The following ADAMTSL1 variants were observed in gnomAD, a reference collection of about 807,000 sequenced individuals.
ADAMTSL1 encodes ADAMTS-like protein 1.
A neutral mutation model predicts 201.8 loss-of-function variants in ADAMTSL1; 126 were observed. That is an observed-to-expected ratio of 0.62 (90% CI 0.54 to 0.72). ADAMTSL1 has a LOEUF of 0.72. Among genes scored for constraint, ADAMTSL1 ranks in the 30% least tolerant of loss-of-function variants. The pLI, the probability that ADAMTSL1 is intolerant of heterozygous loss-of-function variation, is 0.00. For missense variants in ADAMTSL1, 2,679 were observed against 2,277.8 expected, an observed-to-expected ratio of 1.18 and a Z score of -3.59; for synonymous variants, 1,121 against 903.4, an observed-to-expected ratio of 1.24 and a Z score of -4.32.
intron 2 of ADAMTSL1, among the ~76,000 whole-genome samples, chr9:18,164,989 G>A (rs1433122950): frequency 6.6e-6 from 1 of 151,824 alleles, no homozygotes; most frequent in Non-Finnish European, 1.5e-5. Context: ...GAGCAAGAAT[G>A]GTGGTGGAGG....
intron 2 of ADAMTSL1, among the ~76,000 whole-genome samples, chr9:18,330,891 C>A (rs1835003916): frequency 6.6e-6 from 1 of 152,212 alleles, no homozygotes; most frequent in Admixed American, 6.5e-5. Flanking sequence ...ATGCCAGGGA[C>A]TGTCCCAGAT....
At chr9:17,929,398 AC>A (rs201529299) in intron 1 of ADAMTSL1, among the ~76,000 whole-genome samples, 2,686 of 151,642 alleles carry the variant, frequency 0.018, 44 homozygotes, top group East Asian at 0.049. Context: ...CCAATTTTTC[AC>A]CCCTTTGGGG....
At chr9:18,282,656 G>C (rs146960508) in intron 2 of ADAMTSL1, among the ~76,000 whole-genome samples, 1,817 of 152,292 alleles carry the variant, frequency 0.012, 15 homozygotes, top group Non-Finnish European at 0.018. Flanking sequence ...CTAGCACTTT[G>C]GGAGACAGAT....
chr9:18,309,842 A>T (rs1238474935), intron 2 of ADAMTSL1, among the ~76,000 whole-genome samples: 1 of 152,124 alleles, frequency 6.6e-6, no homozygotes, highest in Admixed American at 6.5e-5. Context: ...CACTACTTCA[A>T]ATTTCATATG....
At chr9:18,684,070 T>C (rs1464328526) in intron 12 of ADAMTSL1, among the ~76,000 whole-genome samples, 1 of 152,204 alleles carries the variant, frequency 6.6e-6, no homozygotes, top group Non-Finnish European at 1.5e-5. Context: ...ACAATTTTTT[T>C]CCCAGGAAGT....
At chr9:18,063,080 G>C (rs1265690602) in intron 1 of ADAMTSL1, among the ~76,000 whole-genome samples, 1 of 152,098 alleles carries the variant, frequency 6.6e-6, no homozygotes, top group African/African-American at 2.4e-5. Context: ...TGTAATCCTG[G>C]TGAATTGGGA....
At chr9:18,258,928 C>T (rs1355250586) in intron 2 of ADAMTSL1, among the ~76,000 whole-genome samples, 2 of 152,108 alleles carry the variant, frequency 1.3e-5, no homozygotes, top group African/African-American at 4.8e-5. Context: ...TTCATCTTAC[C>T]AAGTCCAGTG....
chr9:18,170,528 C>G (rs1433864608), intron 2 of ADAMTSL1, among the ~76,000 whole-genome samples: 1 of 151,950 alleles, frequency 6.6e-6, no homozygotes, highest in East Asian at 1.9e-4. Context: ...TAACGAATAA[C>G]TCAAAGATAT....
At chr9:18,513,939 T>C (rs185148963) in intron 2 of ADAMTSL1, among the ~76,000 whole-genome samples, 2 of 152,334 alleles carry the variant, frequency 1.3e-5, no homozygotes, top group East Asian at 3.9e-4. Context: ...TGCCTTCAGC[T>C]TTGTTCTCTC....
intron 2 of ADAMTSL1, among the ~76,000 whole-genome samples, chr9:18,361,750 T>A (rs1411135185): frequency 2.0e-5 from 3 of 152,186 alleles, no homozygotes; most frequent in Non-Finnish European, 4.4e-5. Flanking sequence ...AATAAAAATC[T>A]CCGGAGACTT....
At chr9:18,158,822 T>A (rs1827265943) in intron 1 of ADAMTSL1, among the ~76,000 whole-genome samples, 1 of 151,938 alleles carries the variant, frequency 6.6e-6, no homozygotes, top group African/African-American at 2.4e-5. Flanking sequence ...TTTCCTTCCT[T>A]CTGTTGATCT....
chr9:18,776,880 G>C lies in ADAMTSL1; in HGVS notation c.2651G>C (p.Gly884Ala), dbSNP rs745904930. 6.2e-7 allele frequency: 1 copy of C among 1,611,558 alleles called. No individual in the cohort carries two copies. ...RRQRKLHFVV[G>A]GFAYLLPKTA... ...CAGAGGAAGCTGCACTTCGTGGTGG[G>C]GGGCTTCGCCTACCTGCTCCCCAAG... Residue 884 changes from glycine to alanine, a missense_variant, in exon 19 of 29, where the codon GGG becomes GCG. Coordinates refer to ENST00000380548, the MANE Select transcript of ADAMTSL1 (RefSeq NM_001040272.6).
intron 1 of ADAMTSL1, among the ~76,000 whole-genome samples, chr9:18,019,617 C>T (rs1194363010): frequency 6.6e-6 from 1 of 151,998 alleles, no homozygotes; most frequent in African/African-American, 2.4e-5. Flanking sequence ...GAAAGACTTA[C>T]CTGGAAGAAT....
intron 2 of ADAMTSL1, among the ~76,000 whole-genome samples, chr9:18,392,405 C>T (rs1047842167): frequency 1.3e-5 from 2 of 152,314 alleles, no homozygotes; most frequent in South Asian, 4.1e-4. Context: ...TTCAAACTAT[C>T]GTGCATGCAG....
intron 1 of ADAMTSL1, among the ~76,000 whole-genome samples, chr9:17,941,547 T>G (rs1827238269): frequency 6.6e-6 from 1 of 152,166 alleles, no homozygotes; most frequent in Non-Finnish European, 1.5e-5. Flanking sequence ...TAATACAGTC[T>G]CTACCATTTA....
chr9:18,838,113 G>A (rs1400935699), intron 23 of ADAMTSL1, among the ~76,000 whole-genome samples: 1 of 152,074 alleles, frequency 6.6e-6, no homozygotes, highest in Non-Finnish European at 1.5e-5. Flanking sequence ...AATCATGGCA[G>A]AAGGCAAGGA....
chr9:18,410,698 A>G (rs1052728200), intron 2 of ADAMTSL1, among the ~76,000 whole-genome samples: 2 of 152,180 alleles, frequency 1.3e-5, no homozygotes, highest in African/African-American at 4.8e-5. Context: ...ACATGTATTA[A>G]TATCTTAGAA....
At chr9:18,716,782 T>C (rs1415161547) in intron 14 of ADAMTSL1, among the ~76,000 whole-genome samples, 1 of 144,970 alleles carries the variant, frequency 6.9e-6, no homozygotes, top group Non-Finnish European at 1.5e-5. Context: ...TAAAGACACA[T>C]GCACACATAT....
At chr9:18,877,595 C>T (rs1828246621) in intron 23 of ADAMTSL1, among the ~76,000 whole-genome samples, 1 of 152,104 alleles carries the variant, frequency 6.6e-6, no homozygotes, top group South Asian at 2.1e-4. Context: ...CTTCAGGTCT[C>T]TCAGCCATGA....
Sources: gnomAD v4.1 joint callset for allele counts (sites outside exome capture counted in the v4.1 genomes callset) on GRCh38, gnomAD v4.1.1 for gene constraint, MANE v1.5 for transcripts, NCBI Gene and HGNC (gene_info 2026-07-23, HGNC 2026-07-21) for gene names.